RBSN: variants seen among roughly 807,000 people sequenced by gnomAD.
RBSN encodes the protein rabenosyn, RAB effector.
RBSN carries 34 observed loss-of-function variants against 60.5 expected under a neutral mutation model. The observed-to-expected ratio is 0.56, with a 90% CI of 0.43 to 0.75. RBSN has a LOEUF of 0.75. Among genes scored for constraint, RBSN ranks in the 30% least tolerant of loss-of-function variants. The pLI is 0.00. For synonymous variants in RBSN, 322 were observed against 366.9 expected, an observed-to-expected ratio of 0.88 and a Z score of 1.40; for missense variants, 845 against 986.8, an observed-to-expected ratio of 0.86 and a Z score of 1.92.
intron 4 of RBSN, 136 bp from the exon 5 acceptor site, chr3:15,090,675 A>G: frequency 8.0e-7 from 1 of 1,247,526 alleles, no homozygotes; most frequent in Non-Finnish European, 1.1e-6. Context: ...TTAGATCTCA[A>G]GTAAAATGCA....
chr3:15,081,006 T>C (rs2043192372), intron 9 of RBSN: 1 of 550,430 alleles, frequency 1.8e-6, no homozygotes, highest in Non-Finnish European at 3.2e-6. Context: ...GAGCTTCTGA[T>C]CAGATGTTTC....
intron 12 of RBSN, among the ~76,000 whole-genome samples, chr3:15,076,180 C>T (rs1183095199): frequency 6.6e-6 from 1 of 152,160 alleles, no homozygotes; most frequent in African/African-American, 2.4e-5. Context: ...GCACCTAAAA[C>T]ACTACCTGGT....
intron 2 of RBSN, among the ~76,000 whole-genome samples, chr3:15,097,726 C>CCA (rs1422815269): frequency 2.0e-5 from 3 of 151,996 alleles, no homozygotes; most frequent in Non-Finnish European, 4.4e-5. Context: ...GGGATACAAG[C>CCA]CACAGTATAT....
At position 15,084,588 on chromosome 3, in the gene RBSN, G is replaced by T; in HGVS notation, c.598+147C>A. On this transcript the variant is annotated intron_variant, in intron 8 of 13. Transcript: ENST00000253699. The surrounding 1 kb of genome is among the most constrained non-coding windows in gnomAD (Gnocchi z 4.2). Reference sequence around the variant, plus strand: ...CTAGCATAGTACCTAGTCTGTAGTGGGTTTCACAGAAACAGCAACTCAATG... The same window carrying T: ...CTAGCATAGTACCTAGTCTGTAGTGTGTTTCACAGAAACAGCAACTCAATG... 1 of 1,106,078 alleles carries T rather than the reference G, an allele frequency of 9.0e-7. No individual in the cohort carries two copies. Among genetic ancestry groups the T allele is most frequent in the Non-Finnish European group, 1.3e-6 (1 of 779,020 alleles). 68.5% of individuals were successfully genotyped at this position (1,106,078 alleles called of 1,614,324 possible). A position where few individuals can be genotyped will look rare whatever the true frequency, so the allele number is the denominator to read the frequency against.
chr3:15,096,160 T>C lies in RBSN; in HGVS notation c.-40A>G. ...CAACCCTAGGAAGGCAGGAATCTCA[T>C]GCCAAGAGTCAGCTTGATTCCTCCC... On this transcript the variant is annotated 5_prime_UTR_variant, in exon 4 of 14. It removes an upstream start codon present in the reference 5' UTR. Transcript: ENST00000253699. 2.0e-6 allele frequency: 3 copies of C among 1,523,502 alleles called. No homozygotes were observed. The highest frequency in any genetic ancestry group is 2.6e-6 in the Non-Finnish European group (3 of 1,139,326). The allele number at this position is 1,523,502 out of a possible 1,614,324, so 94.4% of individuals were successfully genotyped here. A position where few individuals can be genotyped will look rare whatever the true frequency, so the allele number is the denominator to read the frequency against.
intron 4 of RBSN, chr3:15,091,227 AAAAAAAAAAAT>A: frequency 2.6e-6 from 1 of 385,952 alleles, no homozygotes; most frequent in Non-Finnish European, 3.5e-6. Context: ...AAAAAAAAAA[AAAAAAAAAAAT>A]TAAAACTATA....
chr3:15,084,128 A>AT lies in RBSN; in HGVS notation c.598+606dup, dbSNP rs577657148. 4.3e-4 allele frequency among the ~76,000 whole-genome samples: 66 copies of AT among 152,062 alleles called. No homozygotes were observed. Among genetic ancestry groups the AT allele is most frequent in the South Asian group, 1.2e-3 (6 of 4,802 alleles). Reference sequence around the variant, plus strand: ...CATTGCTATTTTATTTTATTTATTTATTTTTTTGAGATGGGAGTCTCGCTC... The same window carrying AT: ...CATTGCTATTTTATTTTATTTATTTATTTTTTTTGAGATGGGAGTCTCGCTC... On this transcript the variant is annotated intron_variant, in intron 8 of 13. Coordinates refer to ENST00000253699, the MANE Select transcript of RBSN (RefSeq NM_022340.4). This position sits in a 1 kb window ranked among gnomAD's most constrained non-coding sequence, Gnocchi z 4.2.
intron 10 of RBSN, among the ~76,000 whole-genome samples, chr3:15,079,800 G>C (rs1331491538): frequency 1.3e-5 from 2 of 152,220 alleles, no homozygotes; most frequent in African/African-American, 4.8e-5. Flanking sequence ...CTGCTAATGG[G>C]TATGGGGTTT....
At position 15,084,983 on chromosome 3, in the gene RBSN, CA is replaced by C. The variant is rs2043301215; in HGVS notation, c.436+16del. Reference sequence around the variant, plus strand: ...AAAAAGATAATAAGATGAATGTGAGCAAAGTTTTAAAGTTACCTCGAATCTT... The same window carrying C: ...AAAAAGATAATAAGATGAATGTGAGCAAGTTTTAAAGTTACCTCGAATCTT... On this transcript the variant is annotated intron_variant, in intron 7 of 13. Transcript: ENST00000253699. The surrounding 1 kb of genome is among the most constrained non-coding windows in gnomAD (Gnocchi z 4.2). 1.2e-6 allele frequency: 2 copies of C among 1,614,134 alleles called. No individual in the cohort carries two copies. Among genetic ancestry groups the C allele is most frequent in the Non-Finnish European group, 1.7e-6 (2 of 1,180,002 alleles).
chr3:15,078,267 T>C, intron 10 of RBSN, 106 bp from the exon 11 acceptor site: 2 of 876,474 alleles, frequency 2.3e-6, no homozygotes, highest in South Asian at 2.9e-5. Flanking sequence ...CAGTTAATTC[T>C]CTAAAGGTGG....
rs1348096774 is a variant in RBSN, at chr3:15,084,583, T to C, written c.598+152A>G. The C allele has an allele frequency of 1.3e-5, 14 of 1,056,324 alleles. No homozygotes were observed. The highest frequency in any genetic ancestry group is 1.4e-5 in the Non-Finnish European group (10 of 735,712). 65.4% of individuals were successfully genotyped at this position (1,056,324 alleles called of 1,614,324 possible). A position where few individuals can be genotyped will look rare whatever the true frequency, so the allele number is the denominator to read the frequency against. ...GGCCCCTAGCATAGTACCTAGTCTG[T>C]AGTGGGTTTCACAGAAACAGCAACT... On this transcript the variant is annotated intron_variant, in intron 8 of 13. Transcript: ENST00000253699. The surrounding 1 kb of genome is among the most constrained non-coding windows in gnomAD (Gnocchi z 4.2).
rs2043100046 is a variant in RBSN at position 15,078,134 on chromosome 3, T to C, written c.939A>G (p.Glu313=). The C allele has an allele frequency of 3.1e-6, 5 of 1,614,196 alleles. No individual in the cohort carries two copies. The highest frequency in any genetic ancestry group is 4.2e-6 in the Non-Finnish European group (5 of 1,180,022). The change falls in exon 11 of 14, where the codon GAA becomes GAG. Residue 313 remains glutamate, a synonymous_variant. Transcript: ENST00000253699. ...CTTCCACTCGAAGGTCACTGGCATG[T>C]TCCAGACTGTAGGTTGTCTCCCCAG... The part of the protein sequence containing the change: ...LNAGETTYSL[E]HASDLRVEVQ...
At chr3:15,093,436 A>T (rs2043569777) in intron 4 of RBSN, among the ~76,000 whole-genome samples, 1 of 152,156 alleles carries the variant, frequency 6.6e-6, no homozygotes, top group Non-Finnish European at 1.5e-5. Context: ...TTTTTTTGAG[A>T]CAGTTTCACT....
At position 15,076,027 on chromosome 3, in the gene RBSN, T is replaced by C. The variant is rs534055734; in HGVS notation, c.1102-317A>G. 3.9e-5 allele frequency among the ~76,000 whole-genome samples: 6 copies of C among 152,114 alleles called. No homozygotes were observed. In the South Asian group the frequency reaches 1.2e-3, roughly 32 times the overall value. On this transcript the variant is annotated intron_variant, in intron 12 of 13. Transcript: ENST00000253699. ...TCAATCCCAGCCCTCTCTCCCACACTTCCCTGCTGTAAGTTTCTCCAGAGC... is the reference window on the plus strand; with the variant it reads ...TCAATCCCAGCCCTCTCTCCCACACCTCCCTGCTGTAAGTTTCTCCAGAGC...
rs1182430982 is a variant in RBSN, at chr3:15,073,639, C to G, written c.*143G>C. On this transcript the variant is annotated 3_prime_UTR_variant, in exon 14 of 14. Transcript: ENST00000253699. Reference sequence around the variant, plus strand: ...TGGAAATACCTCAAAGTGCGCAACACAAAACAGCAGATTCCTGCCCCTCAC... The same window carrying G: ...TGGAAATACCTCAAAGTGCGCAACAGAAAACAGCAGATTCCTGCCCCTCAC... 7 of 818,202 alleles carry G rather than the reference C, an allele frequency of 8.6e-6. No homozygotes were observed. Among genetic ancestry groups the G allele is most frequent in the Non-Finnish European group, 1.3e-5 (7 of 533,214 alleles). The allele number at this position is 818,202 out of a possible 1,614,324, so 50.7% of individuals were successfully genotyped here.
At chr3:15,075,544 G>C (rs1472739333) in intron 13 of RBSN, 62 bp downstream of exon 13, 1 of 1,378,650 alleles carries the variant, frequency 7.3e-7, no homozygotes, top group Non-Finnish European at 1.0e-6. Flanking sequence ...GGGAGCCCAT[G>C]GCAGCCTCTG....
intron 10 of RBSN, among the ~76,000 whole-genome samples, chr3:15,078,818 A>G (rs1361877963): frequency 8.7e-6 from 1 of 115,022 alleles, no homozygotes; most frequent in African/African-American, 3.2e-5. Flanking sequence ...ATATATATAT[A>G]TATATACATG....
intron 6 of RBSN, 93 bp downstream of exon 6, chr3:15,085,768 T>A (rs909322542): frequency 3.1e-5 from 31 of 1,007,912 alleles, no homozygotes; most frequent in Non-Finnish European, 4.5e-5. Flanking sequence ...CAGATGTATA[T>A]GATATATACA....
chr3:15,075,758 A>G (rs749953855), intron 12 of RBSN, 48 bp from the exon 13 acceptor site: 6 of 1,504,806 alleles, frequency 4.0e-6, no homozygotes, highest in South Asian at 1.1e-5. Context: ...TTTAGAGAAA[A>G]AATGAACCTT....
Sources: gnomAD v4.1 joint callset for allele counts (sites outside exome capture counted in the v4.1 genomes callset) on GRCh38, gnomAD v4.1.1 for gene constraint, Gnocchi (gnomAD v3.1) non-coding constraint, MANE v1.5 for transcripts, NCBI Gene and HGNC (gene_info 2026-07-23, HGNC 2026-07-21) for gene names.